The following FSTL5 variants were observed in gnomAD, a reference collection of about 807,000 sequenced individuals.
FSTL5 encodes follistatin-related protein 5.
Under a neutral mutation model 89.1 loss-of-function variants are expected in FSTL5, and 62 were observed. That is an observed-to-expected ratio of 0.70 (90% CI 0.57 to 0.86). The LOEUF (loss-of-function observed/expected upper bound fraction) is 0.86, where lower values mean the gene tolerates loss of function less well. Ranked by LOEUF, FSTL5 falls within the 40% of genes least tolerant of loss-of-function variation. The probability of loss-of-function intolerance (pLI) is 0.00; values close to 1 mark genes in which losing one functional copy is unlikely to be tolerated. For synonymous variants in FSTL5, 383 were observed against 346.2 expected (o/e 1.11, Z -1.18); for missense variants, 1,057 against 1,001.6 (o/e 1.06, Z -0.75).
chr4:161,513,272 G>GGGGGGAGAGAGA (rs1349844190), intron 10 of FSTL5, among the ~76,000 whole-genome samples: 17 of 110,016 alleles, frequency 1.5e-4, no homozygotes, highest in African/African-American at 5.6e-4. Flanking sequence ...ACAAGGAGGG[G>GGGGGGAGAGAGA]GAGAGAGAGA....
At chr4:161,956,249 C>G (rs1735022748) in intron 3 of FSTL5, among the ~76,000 whole-genome samples, 4 of 149,068 alleles carry the variant, frequency 2.7e-5, no homozygotes, top group Admixed American at 1.4e-4. Flanking sequence ...TTATTACAAC[C>G]AAGTTTAGTT....
intron 4 of FSTL5, among the ~76,000 whole-genome samples, chr4:161,887,006 T>A (rs1732828402): frequency 2.0e-5 from 3 of 152,196 alleles, no homozygotes; most frequent in Non-Finnish European, 4.4e-5. Context: ...CATTTATGAC[T>A]GTTAACATTT....
intron 10 of FSTL5, among the ~76,000 whole-genome samples, chr4:161,519,213 G>A (rs996566525): frequency 1.3e-5 from 2 of 152,056 alleles, no homozygotes; most frequent in African/African-American, 2.4e-5. Flanking sequence ...AAGAGATGAC[G>A]GTAACTAGTT....
At position 162,143,785 on chromosome 4, in the gene FSTL5, TACACACACACAC is replaced by T. The variant is rs70946245; in HGVS notation, c.-17+19818_-17+19829del. Among the ~76,000 whole-genome samples the T allele has an allele frequency of 1.3e-3, 185 of 138,312 alleles. 1 individual carries two copies. The East Asian group carries it at 0.014, about 10-fold the overall frequency. 90.7% of individuals were successfully genotyped at this position (138,312 alleles called of 152,430 possible). On this transcript the variant is annotated intron_variant, in intron 1 of 15. Transcript: ENST00000306100. ...AGGTTACATTGTATCTGACTTTAAA[TACACACACACAC>T]ACACACACACACACACACACACATA...
chr4:161,958,373 A>G lies in FSTL5; in HGVS notation c.161-37721T>C, dbSNP rs559344991. ...GTGGTATACTTTCCTGATTCTTTCC[A>G]TGTCTGCTGAATTTTGATTTGATAG... On this transcript the variant is annotated intron_variant, in intron 3 of 15. Coordinates refer to ENST00000306100, the MANE Select transcript of FSTL5 (RefSeq NM_020116.5). Among the ~76,000 whole-genome samples the G allele has an allele frequency of 6.4e-4, 97 of 152,076 alleles. 1 individual carries two copies. In the South Asian group the frequency reaches 7.9e-3, roughly 12 times the overall value.
intron 6 of FSTL5, among the ~76,000 whole-genome samples, chr4:161,753,809 G>T (rs1218749228): frequency 6.6e-6 from 1 of 152,002 alleles, no homozygotes; most frequent in Non-Finnish European, 1.5e-5. Context: ...TTGGGAGGCC[G>T]AGGCGGGTGG....
At chr4:161,515,129 T>G (rs565533799) in intron 10 of FSTL5, among the ~76,000 whole-genome samples, 4 of 152,126 alleles carry the variant, frequency 2.6e-5, no homozygotes, top group Non-Finnish European at 5.9e-5. Context: ...ATATACAAAG[T>G]TAGAATGTAC....
chr4:161,472,100 C>T (rs1390470264), intron 13 of FSTL5, among the ~76,000 whole-genome samples: 3 of 152,040 alleles, frequency 2.0e-5, no homozygotes, highest in Non-Finnish European at 4.4e-5. Flanking sequence ...CCTCAGCCTC[C>T]AGAGTAGCTG....
intron 2 of FSTL5, among the ~76,000 whole-genome samples, chr4:162,110,003 T>C (rs528587391): frequency 6.6e-6 from 1 of 152,020 alleles, no homozygotes; most frequent in Non-Finnish European, 1.5e-5. Flanking sequence ...GGAGAAAGCA[T>C]TGATAATTGA....
chr4:162,115,710 G>C (rs567042960), intron 1 of FSTL5, among the ~76,000 whole-genome samples: 3 of 152,276 alleles, frequency 2.0e-5, no homozygotes, highest in Admixed American at 6.5e-5. Context: ...AACAAAGTGA[G>C]ACTTTAAAAT....
chr4:161,581,479 A>G (rs978125593), intron 8 of FSTL5, among the ~76,000 whole-genome samples: 5 of 152,300 alleles, frequency 3.3e-5, no homozygotes, highest in African/African-American at 9.6e-5. Flanking sequence ...GGTTTACCAC[A>G]CCCAGTGCAG....
intron 7 of FSTL5, among the ~76,000 whole-genome samples, chr4:161,647,922 G>A (rs1398384748): frequency 6.6e-6 from 1 of 152,124 alleles, no homozygotes; most frequent in Non-Finnish European, 1.5e-5. Flanking sequence ...GACGTCGAGA[G>A]GAACACACTG....
At chr4:161,401,502 A>G (rs1352330708) in intron 15 of FSTL5, among the ~76,000 whole-genome samples, 1 of 152,118 alleles carries the variant, frequency 6.6e-6, no homozygotes, top group Non-Finnish European at 1.5e-5. Context: ...GGAAAAGTAC[A>G]TATACCTAGT....
At chr4:162,000,126 T>A (rs1417234046) in intron 3 of FSTL5, among the ~76,000 whole-genome samples, 1 of 152,212 alleles carries the variant, frequency 6.6e-6, no homozygotes, top group Non-Finnish European at 1.5e-5. Flanking sequence ...TCAAAAACTC[T>A]GTGCTTACAC....
intron 15 of FSTL5, among the ~76,000 whole-genome samples, chr4:161,392,178 C>A (rs963252217): frequency 6.6e-6 from 1 of 152,170 alleles, no homozygotes; most frequent in East Asian, 1.9e-4. Flanking sequence ...AAAGGTCTAC[C>A]ACTTCTAGTG....
chr4:161,467,505 G>A (rs7657675), intron 13 of FSTL5, among the ~76,000 whole-genome samples: 34,516 of 151,956 alleles, frequency 0.23, 4,599 homozygotes, highest in East Asian at 0.48. Context: ...AGGTTACTAG[G>A]ATGATCAATT....
At chr4:161,892,416 A>T (rs1560902721) in intron 4 of FSTL5, among the ~76,000 whole-genome samples, 1 of 152,050 alleles carries the variant, frequency 6.6e-6, no homozygotes, top group African/African-American at 2.4e-5. Flanking sequence ...ACAGAGAAAA[A>T]GTTAGTTAAT....
At chr4:162,013,067 C>T (rs1270835364) in intron 3 of FSTL5, among the ~76,000 whole-genome samples, 1 of 151,844 alleles carries the variant, frequency 6.6e-6, no homozygotes, top group East Asian at 1.9e-4. Context: ...ACCTGTAATC[C>T]CAACTACTTG....
chr4:161,443,590 TA>T (rs1732847665), intron 15 of FSTL5, among the ~76,000 whole-genome samples: 1 of 151,990 alleles, frequency 6.6e-6, no homozygotes, highest in Admixed American at 6.6e-5. Flanking sequence ...GAAAAGTTGG[TA>T]TTTAATGCAA....
Sources: allele counts gnomAD v4.1 joint callset (sites outside exome capture counted in the v4.1 genomes callset), GRCh38; gene constraint gnomAD v4.1.1; transcripts MANE v1.5; gene names NCBI Gene and HGNC (gene_info 2026-07-23, HGNC 2026-07-21).